SNTG1: variants seen among roughly 807,000 people sequenced by gnomAD.
SNTG1 encodes the protein gamma-1-syntrophin.
Under a neutral mutation model 74.7 loss-of-function variants are expected in SNTG1, and 39 were observed. The ratio of observed to expected loss-of-function variants is 0.52; its 90% confidence interval spans 0.40 to 0.68. SNTG1 has a LOEUF of 0.68. Among genes scored for constraint, SNTG1 ranks in the 30% least tolerant of loss-of-function variants. SNTG1 has a pLI of 0.00. For missense variants in SNTG1, 685 were observed against 609.5 expected (o/e 1.12, Z -1.30); for synonymous variants, 254 against 217.1 (o/e 1.17, Z -1.49).
chr8:50,229,254 A>T (rs773687633), intron 2 of SNTG1, among the ~76,000 whole-genome samples: 1 of 151,620 alleles, frequency 6.6e-6, no homozygotes, highest in Non-Finnish European at 1.5e-5. Flanking sequence ...GTAAATATTA[A>T]TTCAATAATT....
In SNTG1 at chr8:49,969,481, C is replaced by T. The variant is rs560573157; in HGVS notation, c.-103+57250C>T. Among the ~76,000 whole-genome samples, 3 of 143,238 alleles carry T rather than the reference C, an allele frequency of 2.1e-5. No homozygotes were observed. In the East Asian group the frequency reaches 6.6e-4, roughly 31 times the overall value. 94.0% of individuals were successfully genotyped at this position (143,238 alleles called of 152,430 possible). ...GTGCAATCTCGGCTCACTGCAACCT[C>T]TGCCTCCCATGTTCAAGCAATTCTC... On this transcript the variant is annotated intron_variant, in intron 1 of 18. Transcript: ENST00000642720.
intron 2 of SNTG1, among the ~76,000 whole-genome samples, chr8:50,338,688 A>T (rs2091228764): frequency 6.6e-6 from 1 of 152,190 alleles, no homozygotes; most frequent in Non-Finnish European, 1.5e-5. Context: ...AAGGAAAAAA[A>T]TAGTGAGCTT....
intron 13 of SNTG1, among the ~76,000 whole-genome samples, chr8:50,624,938 C>G (rs1454275244): frequency 6.6e-6 from 1 of 152,178 alleles, no homozygotes; most frequent in African/African-American, 2.4e-5. Context: ...TACACCTTCT[C>G]TTCTGTGGTC....
At chr8:50,780,163 T>C (rs1257754138) in intron 18 of SNTG1, among the ~76,000 whole-genome samples, 2 of 152,302 alleles carry the variant, frequency 1.3e-5, no homozygotes, top group South Asian at 4.1e-4. Context: ...TCTAAAATTC[T>C]CTTTTTTGGT....
chr8:50,667,927 T>C (rs2095258501), intron 15 of SNTG1, among the ~76,000 whole-genome samples: 1 of 152,044 alleles, frequency 6.6e-6, no homozygotes, highest in South Asian at 2.1e-4. Flanking sequence ...TTTCCTCTGA[T>C]AATAGAACTT....
chr8:50,662,253 G>C (rs2095227972), intron 15 of SNTG1, among the ~76,000 whole-genome samples: 1 of 152,156 alleles, frequency 6.6e-6, no homozygotes, highest in Non-Finnish European at 1.5e-5. Context: ...TTAAAAGTCA[G>C]ATTTGAATGT....
intron 2 of SNTG1, among the ~76,000 whole-genome samples, chr8:50,355,838 G>A (rs887548246): frequency 2.6e-5 from 4 of 152,106 alleles, no homozygotes; most frequent in African/African-American, 9.7e-5. Flanking sequence ...TCTGTTCATT[G>A]AGAAAGCTTC....
chr8:50,608,816 A>G (rs2094830761), intron 13 of SNTG1, among the ~76,000 whole-genome samples: 1 of 151,876 alleles, frequency 6.6e-6, no homozygotes, highest in Non-Finnish European at 1.5e-5. Flanking sequence ...TATTAAAGAG[A>G]TAGCTTCAAT....
intron 1 of SNTG1, among the ~76,000 whole-genome samples, chr8:50,037,398 A>G (rs879671424): frequency 5.3e-5 from 8 of 152,180 alleles, no homozygotes; most frequent in East Asian, 1.9e-4. Context: ...GAGATGGCCA[A>G]TGATGCCAGC....
At chr8:50,141,765 C>G (rs1359587781) in intron 1 of SNTG1, among the ~76,000 whole-genome samples, 3 of 151,810 alleles carry the variant, frequency 2.0e-5, no homozygotes, top group African/African-American at 7.3e-5. Flanking sequence ...GATAGATCTA[C>G]AGAGAAAGAA....
intron 1 of SNTG1, among the ~76,000 whole-genome samples, chr8:50,062,997 T>C (rs551318968): frequency 2.0e-5 from 3 of 152,312 alleles, no homozygotes; most frequent in Admixed American, 2.0e-4. Flanking sequence ...AATCCTCCTA[T>C]CAAACTAGTT....
At chr8:50,570,582 ATTATTG>A (rs1366805145) in intron 12 of SNTG1, among the ~76,000 whole-genome samples, 14 of 33,366 alleles carry the variant, frequency 4.2e-4, no homozygotes, top group African/African-American at 1.1e-3. Context: ...TATTATTATT[ATTATTG>A]TTGTTATTAT....
intron 1 of SNTG1, among the ~76,000 whole-genome samples, chr8:50,140,572 G>C (rs920382149): frequency 6.6e-6 from 1 of 152,080 alleles, no homozygotes; most frequent in Non-Finnish European, 1.5e-5. Flanking sequence ...TAGTGTGTAT[G>C]TGTGAATGTT....
intron 1 of SNTG1, among the ~76,000 whole-genome samples, chr8:49,923,780 A>C (rs923172285): frequency 6.6e-6 from 1 of 152,188 alleles, no homozygotes; most frequent in African/African-American, 2.4e-5. Flanking sequence ...CTGGCTTCCA[A>C]CAAAGAGTTT....
At chr8:50,172,771 A>G (rs1264371002) in intron 2 of SNTG1, 136 bp downstream of exon 2, 2 of 37,104 alleles carry the variant, frequency 5.4e-5, no homozygotes, top group Non-Finnish European at 1.1e-4. Context: ...GTTCTTGAAA[A>G]ATGACAAAAA....
intron 1 of SNTG1, among the ~76,000 whole-genome samples, chr8:50,099,664 C>T (rs182993426): frequency 6.6e-6 from 1 of 152,052 alleles, no homozygotes; most frequent in Non-Finnish European, 1.5e-5. Context: ...TATCTTTTAT[C>T]TTTGTGATAA....
chr8:50,585,463 C>T (rs185816507), intron 12 of SNTG1, among the ~76,000 whole-genome samples: 2 of 152,232 alleles, frequency 1.3e-5, no homozygotes, highest in African/African-American at 2.4e-5. Context: ...TTTTTAGCTA[C>T]GTATAACACA....
chr8:50,456,397 T>TC (rs1402147099), intron 8 of SNTG1, among the ~76,000 whole-genome samples: 2 of 152,054 alleles, frequency 1.3e-5, no homozygotes, highest in African/African-American at 2.4e-5. Flanking sequence ...CTTTTTTTTT[T>TC]CCCTCACAGT....
chr8:50,472,229 G>A (rs1248221686), intron 8 of SNTG1, among the ~76,000 whole-genome samples: 1 of 152,078 alleles, frequency 6.6e-6, no homozygotes, highest in African/African-American at 2.4e-5. Context: ...AGACACCAAA[G>A]AGCAAAAGTT....
Sources: gnomAD v4.1 joint callset for allele counts (sites outside exome capture counted in the v4.1 genomes callset) on GRCh38, gnomAD v4.1.1 for gene constraint, MANE v1.5 for transcripts, NCBI Gene and HGNC (gene_info 2026-07-23, HGNC 2026-07-21) for gene names.